The following CASK variants were observed in gnomAD, a reference collection of about 807,000 sequenced individuals.
CASK encodes calcium/calmodulin dependent serine protein kinase.
Under a neutral mutation model 82.9 loss-of-function variants are expected in CASK, and 4 were observed. The observed-to-expected ratio is 0.05, with a 90% CI of 0.02 to 0.11. The LOEUF is 0.11. Ranked by LOEUF, CASK falls within the 10% of genes least tolerant of loss-of-function variation. CASK has a pLI of 1.00. For synonymous variants in CASK, 259 were observed against 253.5 expected, an observed-to-expected ratio of 1.02 and a Z score of -0.20; for missense variants, 358 against 720.9, an observed-to-expected ratio of 0.50 and a Z score of 5.76.
At chrX:41,562,140 T>C (rs766827005) in intron 16 of CASK, 1 of 113,408 alleles carries the variant, frequency 8.8e-6, no homozygotes, top group South Asian at 3.6e-4. Flanking sequence ...ACCATGACAG[T>C]GTTGGCTGCT....
At position 41,517,377 on chromosome X, in the gene CASK, T is replaced by A. The variant is rs1279621768; in HGVS notation, c.*3043A>T. The A allele has an allele frequency of 7.2e-6, 1 of 138,090 alleles. No homozygotes were observed. The highest frequency in any genetic ancestry group is 1.4e-5 in the Non-Finnish European group (1 of 69,641). 11.4% of individuals were successfully genotyped at this position (138,090 alleles called of 1,213,427 possible). A position where few individuals can be genotyped will look rare whatever the true frequency, so the allele number is the denominator to read the frequency against. On this transcript the variant is annotated 3_prime_UTR_variant, in exon 27 of 27. Coordinates refer to ENST00000378163, the MANE Select transcript of CASK (RefSeq NM_001367721.1). ...TACATTTAATTGCATTTAAAAAGGC[T>A]ACAATGTTATCTTGACACTGGGAAA...
intron 16 of CASK, 128 bp from the exon 17 acceptor site, chrX:41,561,772 C>T (rs925519786): frequency 3.7e-5 from 20 of 537,689 alleles, no homozygotes; most frequent in Non-Finnish European, 5.6e-5. Flanking sequence ...GAGGCAGGTA[C>T]AAGTTTGGTT....
intron 5 of CASK, among the ~76,000 whole-genome samples, chrX:41,699,623 A>T (rs1450791412): frequency 9.0e-6 from 1 of 111,062 alleles, no homozygotes; most frequent in Non-Finnish European, 1.9e-5. Context: ...ATAGTTCTAG[A>T]AGCTGTCTCA....
rs747499171 is a variant in CASK, at chrX:41,559,870, G to T, written c.1669-23C>A. ...CCTCTGGAGGGGGGGTGGTGGGAAA[G>T]AAAGAAAAGTTTTCTTACAAACAAT... On this transcript the variant is annotated intron_variant, in intron 17 of 26. Coordinates refer to ENST00000378163, the MANE Select transcript of CASK (RefSeq NM_001367721.1). The T allele has an allele frequency of 3.4e-6, 4 of 1,174,012 alleles. No homozygotes were observed. In the East Asian group the frequency reaches 8.9e-5, roughly 26 times the overall value.
At chrX:41,922,827 G>A in intron 1 of CASK, 103 bp downstream of exon 1, 1 of 679,017 alleles carries the variant, frequency 1.5e-6, no homozygotes, top group Non-Finnish European at 2.4e-6. Flanking sequence ...GGGAAGAGGG[G>A]AAGGAGGGAG....
At chrX:41,922,829 A>C in intron 1 of CASK, 101 bp downstream of exon 1, 1 of 680,252 alleles carries the variant, frequency 1.5e-6, no homozygotes. Context: ...GAAGAGGGGA[A>C]GGAGGGAGGG....
intron 1 of CASK, among the ~76,000 whole-genome samples, chrX:41,858,055 T>C (rs774291638): frequency 8.9e-6 from 1 of 112,563 alleles, no homozygotes; most frequent in Admixed American, 9.4e-5. Flanking sequence ...TTACTTGCCA[T>C]GCACACTTTC....
intron 12 of CASK, among the ~76,000 whole-genome samples, chrX:41,608,093 A>G (rs2065986338): frequency 8.9e-6 from 1 of 112,325 alleles, no homozygotes; most frequent in African/African-American, 3.2e-5. Context: ...GGCTGCATTT[A>G]GTGTAAAGCT....
At chrX:41,677,517 G>A (rs958046221) in intron 5 of CASK, among the ~76,000 whole-genome samples, 1 of 112,062 alleles carries the variant, frequency 8.9e-6, no homozygotes, top group Non-Finnish European at 1.9e-5. Context: ...AATGAGAACT[G>A]AGAACTGACC....
chrX:41,805,805 G>T (rs2070108997), intron 2 of CASK, among the ~76,000 whole-genome samples: 1 of 111,208 alleles, frequency 9.0e-6, no homozygotes, highest in African/African-American at 3.3e-5. Context: ...TAACCAAGAT[G>T]ACTTTAAGGA....
intron 5 of CASK, among the ~76,000 whole-genome samples, chrX:41,680,352 T>C (rs947900217): frequency 2.8e-5 from 3 of 107,736 alleles, no homozygotes; most frequent in Non-Finnish European, 5.8e-5. Flanking sequence ...CGTGGTGGCA[T>C]GCGCCTATAG....
At chrX:41,521,624 A>G (rs956363673) in intron 26 of CASK, among the ~76,000 whole-genome samples, 2 of 111,922 alleles carry the variant, frequency 1.8e-5, no homozygotes, top group East Asian at 5.6e-4. Context: ...CTGCCTCTAT[A>G]TCTTCGCAAG....
At chrX:41,850,167 A>G (rs2071234464) in intron 2 of CASK, among the ~76,000 whole-genome samples, 1 of 112,117 alleles carries the variant, frequency 8.9e-6, no homozygotes, top group Admixed American at 9.4e-5. Context: ...GGCAAGAGAG[A>G]GACCCCATCT....
chrX:41,838,061 C>T lies in CASK; in HGVS notation c.172+15054G>A, dbSNP rs767508043. On this transcript the variant is annotated intron_variant, in intron 2 of 26. Transcript: ENST00000378163. ...AGAGACAGGGTCTCCCTATGTTGCA[C>T]AGACTGGTCTTGAACTCCTGGGCTC... Among the ~76,000 whole-genome samples, 12 of 111,616 alleles carry T rather than the reference C, an allele frequency of 1.1e-4. No individual in the cohort carries two copies. The South Asian group carries it at 3.4e-3, about 32-fold the overall frequency.
chrX:41,581,878 T>C (rs1937706306), intron 14 of CASK, among the ~76,000 whole-genome samples: 1 of 111,459 alleles, frequency 9.0e-6, no homozygotes, highest in East Asian at 2.8e-4. Flanking sequence ...AACTGACTTT[T>C]AGGAGCATAG....
At chrX:41,573,075 C>CTT (rs147599527) in intron 15 of CASK, among the ~76,000 whole-genome samples, 16 of 87,923 alleles carry the variant, frequency 1.8e-4, no homozygotes, top group African/African-American at 3.6e-4. Context: ...TTTCTTTTTT[C>CTT]TTTTTTTTTT....
At chrX:41,861,915 TTATATGTATATATACTATATATACTA>T (rs1338928579) in intron 1 of CASK, among the ~76,000 whole-genome samples, 2 of 102,589 alleles carry the variant, frequency 1.9e-5, no homozygotes, top group African/African-American at 7.0e-5. Flanking sequence ...TATATATACA[TTATATGTATATATACTATATATACTA>T]TATATGTATG....
chrX:41,854,180 C>A (rs969282769), intron 1 of CASK, among the ~76,000 whole-genome samples: 1 of 108,949 alleles, frequency 9.2e-6, no homozygotes, highest in Non-Finnish European at 1.9e-5. Flanking sequence ...TTTAAAGATG[C>A]CCATACCCTG....
At chrX:41,644,488 A>G (rs62587040) in intron 8 of CASK, among the ~76,000 whole-genome samples, 16,515 of 110,978 alleles carry the variant, frequency 0.15, 953 homozygotes, top group Middle Eastern at 0.18. Flanking sequence ...GATGTATGTC[A>G]CCTTAGGACC....
Sources: gnomAD v4.1 joint callset for allele counts (sites outside exome capture counted in the v4.1 genomes callset) on GRCh38, gnomAD v4.1.1 for gene constraint, MANE v1.5 for transcripts, NCBI Gene and HGNC (gene_info 2026-07-23, HGNC 2026-07-21) for gene names.